PIK3R3: variants seen among roughly 807,000 people sequenced by gnomAD.
The protein encoded by PIK3R3 is phosphoinositide-3-kinase regulatory subunit 3.
In PIK3R3, 64 loss-of-function variants were observed where a neutral mutation model predicts 62.9. The ratio of observed to expected loss-of-function variants is 1.02; its 90% CI spans 0.83 to 1.25. The LOEUF (loss-of-function observed/expected upper bound fraction) is 1.25, where lower values mean the gene tolerates loss of function less well. PIK3R3 is among the 50% of genes most tolerant of loss of function. The pLI is 0.00. For missense variants in PIK3R3, 614 were observed against 561.6 expected (o/e 1.09, Z -0.94); for synonymous variants, 165 against 189.0 (o/e 0.87, Z 1.04).
At chr1:46,060,008 G>A (rs921407257) in intron 6 of PIK3R3, among the ~76,000 whole-genome samples, 1 of 152,108 alleles carries the variant, frequency 6.6e-6, no homozygotes, top group Non-Finnish European at 1.5e-5. Context: ...GCTGAGGCAG[G>A]ATAATCACTT....
intron 7 of PIK3R3, 30 bp from the exon 8 acceptor site, chr1:46,046,655 T>C (rs757646561): frequency 1.3e-6 from 2 of 1,517,736 alleles, no homozygotes; most frequent in South Asian, 2.2e-5. Flanking sequence ...AGTGTCAGTA[T>C]CCATGCAAAC....
chr1:46,148,875 A>AGGTT, the PIK3R3 span, among the ~76,000 whole-genome samples: 10 of 152,294 alleles, frequency 6.6e-5, no homozygotes, highest in East Asian at 1.7e-3. Flanking sequence ...CATTGAAACC[A>AGGTT]GATCAACTCC....
chr1:46,160,278 G>C, the PIK3R3 span, among the ~76,000 whole-genome samples: 1 of 152,166 alleles, frequency 6.6e-6, no homozygotes. Flanking sequence ...GCAAAGACTG[G>C]ACTGATATCT....
Position 46,066,193 on chromosome 1 carries a change from G to C in PIK3R3, c.496-14C>G, listed in dbSNP as rs372592067. 3.3e-6 allele frequency: 5 copies of C among 1,514,844 alleles called. No individual in the cohort carries two copies. The highest frequency in any genetic ancestry group is 4.5e-6 in the Non-Finnish European group (5 of 1,107,892). 93.8% of individuals were successfully genotyped at this position (1,514,844 alleles called of 1,614,324 possible). A position where few individuals can be genotyped will look rare whatever the true frequency, so the allele number is the denominator to read the frequency against. ...TACCAACTGATCCTATACAGGTAAA[G>C]AAAAAAATAAAGAATGTTAACAATT... is the stretch of plus-strand genomic sequence containing the variant. On this transcript the variant is annotated splice_polypyrimidine_tract_variant and intron_variant, in intron 4 of 9. Transcript: ENST00000262741.
chr1:46,125,282 A>T lies in PIK3R3; in HGVS notation c.106+6565T>A, dbSNP rs1654999064. On this transcript the variant is annotated intron_variant, in intron 1 of 9. Coordinates refer to ENST00000262741, the MANE Select transcript of PIK3R3 (RefSeq NM_003629.4). ...ATGACTAATCTTTTTCAATAAGAAG[A>T]CAAAAAAACTGGCATGGCTTTTACA... Among the ~76,000 whole-genome samples the T allele has an allele frequency of 1.3e-5, 2 of 152,178 alleles. 1 individual carries two copies. The highest frequency in any genetic ancestry group is 4.1e-4 in the South Asian group (2 of 4,830).
chr1:46,080,945 G>GT (rs753261370), intron 1 of PIK3R3, among the ~76,000 whole-genome samples, 195 bp from the exon 2 acceptor site: 2 of 151,966 alleles, frequency 1.3e-5, no homozygotes, highest in African/African-American at 4.8e-5. Flanking sequence ...CAAGATATTT[G>GT]TTTTTTTCCT....
chr1:46,132,693 G>GCC, upstream of PIK3R3: 1 of 1,289,590 alleles, frequency 7.8e-7, no homozygotes. Flanking sequence ...GCCCCATGCT[G>GCC]CCCACCCGCT....
chr1:46,061,754 A>C (rs1451131032), intron 6 of PIK3R3, among the ~76,000 whole-genome samples, 175 bp downstream of exon 6: 1 of 152,206 alleles, frequency 6.6e-6, no homozygotes, highest in Admixed American at 6.5e-5. Context: ...TGGGAGAATG[A>C]ACAAAGAGCA....
At chr1:46,133,158 G>T, upstream of PIK3R3, 1 of 290,252 alleles carries the variant, frequency 3.4e-6, no homozygotes, top group Non-Finnish European at 5.2e-6. Flanking sequence ...GCGGCGATTG[G>T]TCAGAGCCCA....
intron 3 of PIK3R3, among the ~76,000 whole-genome samples, chr1:46,071,712 A>AAATATAT (rs1472807815): frequency 4.5e-4 from 11 of 24,648 alleles, no homozygotes; most frequent in African/African-American, 1.7e-3. Flanking sequence ...AAAAAAAAAA[A>AAATATAT]ATATATATAT....
intron 6 of PIK3R3, among the ~76,000 whole-genome samples, chr1:46,057,898 A>G (rs1000091804): frequency 2.6e-5 from 4 of 152,224 alleles, no homozygotes; most frequent in African/African-American, 7.2e-5. Context: ...AGAAATTTGC[A>G]TAAGTAACAA....
intron 1 of PIK3R3, among the ~76,000 whole-genome samples, chr1:46,086,224 AT>A (rs1409624172): frequency 3.9e-5 from 6 of 152,206 alleles, no homozygotes; most frequent in Non-Finnish European, 2.9e-5. Context: ...AGTGAATACA[AT>A]AGGGATGGGG....
intron 1 of PIK3R3, among the ~76,000 whole-genome samples, chr1:46,104,585 T>C (rs1051340786): frequency 1.3e-5 from 2 of 152,124 alleles, no homozygotes; most frequent in African/African-American, 4.8e-5. Context: ...AAAGCAGCAG[T>C]TGCATTACCA....
chr1:46,125,782 A>G (rs1291452364), intron 1 of PIK3R3, among the ~76,000 whole-genome samples: 1 of 148,512 alleles, frequency 6.7e-6, no homozygotes, highest in East Asian at 2.0e-4. Context: ...TTTTCTTGAG[A>G]CAGAGTCTTA....
At chr1:46,062,741 CA>C (rs1255029267) in intron 5 of PIK3R3, among the ~76,000 whole-genome samples, 1 of 152,180 alleles carries the variant, frequency 6.6e-6, no homozygotes. Flanking sequence ...ATAATTCCTA[CA>C]TTATCTAGCA....
intron 3 of PIK3R3, among the ~76,000 whole-genome samples, chr1:46,076,684 G>C (rs1571424674): frequency 6.6e-6 from 1 of 152,192 alleles, no homozygotes; most frequent in African/African-American, 2.4e-5. Flanking sequence ...ACAGCCAGAT[G>C]AATCTGGATT....
At chr1:46,105,065 G>A (rs1012020586) in intron 1 of PIK3R3, 1 of 748,920 alleles carries the variant, frequency 1.3e-6, no homozygotes, top group African/African-American at 1.7e-5. Context: ...ATTAGCTAGT[G>A]GAGCCACTTT....
chr1:46,092,241 A>T (rs1317866467), intron 1 of PIK3R3, among the ~76,000 whole-genome samples: 1 of 152,242 alleles, frequency 6.6e-6, no homozygotes, highest in Non-Finnish European at 1.5e-5. Context: ...GATTCCATTG[A>T]TCCAGAATGA....
the PIK3R3 span, among the ~76,000 whole-genome samples, chr1:46,174,679 C>T: frequency 2.0e-5 from 3 of 152,254 alleles, no homozygotes; most frequent in African/African-American, 2.4e-5. Flanking sequence ...CACAGAAACC[C>T]GGTTACAGCC....
Sources: allele counts gnomAD v4.1 joint callset (sites outside exome capture counted in the v4.1 genomes callset), GRCh38; gene constraint gnomAD v4.1.1; transcripts MANE v1.5; gene names NCBI Gene and HGNC (gene_info 2026-07-23, HGNC 2026-07-21).